Variants in RELN observed in about 807,000 individuals in gnomAD.
RELN encodes reelin.
Under a neutral mutation model 427.6 loss-of-function variants are expected in RELN, and 108 were observed. That is an observed-to-expected ratio of 0.25 (90% CI 0.22 to 0.30). The LOEUF is 0.30. Among genes scored for constraint, RELN ranks in the 10% least tolerant of loss-of-function variants. The pLI is 1.00. For missense variants in RELN, 3,715 were observed against 4,302.8 expected (o/e 0.86, Z 3.82); for synonymous variants, 1,524 against 1,513.4 (o/e 1.01, Z -0.16).
intron 8 of RELN, among the ~76,000 whole-genome samples, chr7:103,719,434 A>G (rs2115889283): frequency 6.6e-6 from 1 of 152,288 alleles, no homozygotes; most frequent in East Asian, 1.9e-4. Context: ...CCTGTTTACA[A>G]CAATGCCGTT....
intron 19 of RELN, among the ~76,000 whole-genome samples, chr7:103,632,660 G>A (rs1022574938): frequency 6.6e-6 from 1 of 152,088 alleles, no homozygotes; most frequent in Non-Finnish European, 1.5e-5. Flanking sequence ...AGAACACAGA[G>A]ACTTAAGTCA....
chr7:103,654,077 A>T lies in RELN; in HGVS notation c.1554+16T>A. 7 of 1,443,848 alleles carry T rather than the reference A, an allele frequency of 4.8e-6. No individual in the cohort carries two copies. The highest frequency in any genetic ancestry group is 4.9e-6 in the Non-Finnish European group (5 of 1,025,208). The allele number at this position is 1,443,848 out of a possible 1,614,324, so 89.4% of individuals were successfully genotyped here. A position where few individuals can be genotyped will look rare whatever the true frequency, so the allele number is the denominator to read the frequency against. ...GTCTGAGGTGGTCTATTTGCCACAC[A>T]GACTGGCATGTGTACCTTATATGAG... On this transcript the variant is annotated intron_variant, in intron 13 of 64. Coordinates refer to ENST00000428762, the MANE Select transcript of RELN (RefSeq NM_005045.4).
rs112861981 is a variant in RELN at position 103,842,762 on chromosome 7, T to A, written c.338-9090A>T. 1.7e-3 allele frequency among the ~76,000 whole-genome samples: 253 copies of A among 152,262 alleles called. 1 individual carries two copies. Among genetic ancestry groups the A allele is most frequent in the African/African-American group, 5.9e-3 (245 of 41,494 alleles). On this transcript the variant is annotated intron_variant, in intron 2 of 64. Coordinates refer to ENST00000428762, the MANE Select transcript of RELN (RefSeq NM_005045.4). ...ATTCTGGAATTGTGTATCTATGGAC[T>A]TAAGTTAGAAATGGAAGAGAAACTA...
chr7:103,680,287 T>TTAG (rs1460629946), intron 11 of RELN, among the ~76,000 whole-genome samples: 1 of 152,048 alleles, frequency 6.6e-6, no homozygotes, highest in Non-Finnish European at 1.5e-5. Context: ...ATGCATCTCT[T>TTAG]TAGCTCTGCT....
chr7:103,874,631 C>T (rs1794432859), intron 2 of RELN, among the ~76,000 whole-genome samples: 1 of 146,454 alleles, frequency 6.8e-6, no homozygotes, highest in African/African-American at 2.5e-5. Flanking sequence ...AATAAAATAC[C>T]TAGGAATCCA....
chr7:103,803,479 G>T (rs1179268494), intron 3 of RELN, among the ~76,000 whole-genome samples: 1 of 152,034 alleles, frequency 6.6e-6, no homozygotes, highest in Non-Finnish European at 1.5e-5. Context: ...AAGACACCTG[G>T]CTGGAGTGAT....
chr7:103,632,494 T>G lies in RELN; in HGVS notation c.2466-2318A>C, dbSNP rs566512673. ...AGACTATAAGTGCTAATGCCAGGAT[T>G]TGGACCTGGGGAACTTAGCTCTAGA... On this transcript the variant is annotated intron_variant, in intron 19 of 64. Transcript: ENST00000428762. Among the ~76,000 whole-genome samples the G allele has an allele frequency of 3.3e-5, 5 of 152,324 alleles. No homozygotes were observed. In the South Asian group the frequency reaches 1.0e-3, roughly 32 times the overall value.
chr7:103,699,522 G>A (rs1834047936), intron 9 of RELN, among the ~76,000 whole-genome samples: 1 of 151,982 alleles, frequency 6.6e-6, no homozygotes, highest in Non-Finnish European at 1.5e-5. Context: ...AAAAATAGAT[G>A]GGTTCAGCTG....
chr7:103,679,953 T>A (rs1027537683), intron 11 of RELN, among the ~76,000 whole-genome samples: 1 of 152,180 alleles, frequency 6.6e-6, no homozygotes, highest in Admixed American at 6.5e-5. Flanking sequence ...GTGTTACTCA[T>A]AGAGAGCTGA....
intron 50 of RELN, among the ~76,000 whole-genome samples, chr7:103,514,448 T>C (rs1275476659): frequency 1.3e-5 from 2 of 151,986 alleles, no homozygotes; most frequent in South Asian, 2.1e-4. Context: ...TCACCTGAGG[T>C]TGGGGGTTCA....
Position 103,594,268 on chromosome 7 carries a change from C to A in RELN, c.3711+53G>T, listed in dbSNP as rs149701115. 6.7e-6 allele frequency: 10 copies of A among 1,503,694 alleles called. No individual in the cohort carries two copies. The Admixed American group carries it at 1.0e-4, about 15-fold the overall frequency. The allele number at this position is 1,503,694 out of a possible 1,614,324, so 93.1% of individuals were successfully genotyped here. A position where few individuals can be genotyped will look rare whatever the true frequency, so the allele number is the denominator to read the frequency against. Reference sequence around the variant, plus strand: ...TCCTTAAGGAAATGAGTTCTTTATGCCATTCACTTTTATAATTATCTGTCT... The same window carrying A: ...TCCTTAAGGAAATGAGTTCTTTATGACATTCACTTTTATAATTATCTGTCT... On this transcript the variant is annotated intron_variant, in intron 26 of 64. Transcript: ENST00000428762.
chr7:103,675,716 C>T (rs536225161), intron 11 of RELN, among the ~76,000 whole-genome samples: 16 of 152,226 alleles, frequency 1.1e-4, no homozygotes, highest in East Asian at 7.7e-4. Context: ...CAGAACAGAG[C>T]GCTTAGAAAT....
rs1220288363 is a variant in RELN at position 103,610,815 on chromosome 7, A to C, written c.2896-8T>G. The C allele has an allele frequency of 6.6e-7, 1 of 1,504,872 alleles. No individual in the cohort carries two copies. The highest frequency in any genetic ancestry group is 1.4e-5 in the African/African-American group (1 of 72,668). The allele number at this position is 1,504,872 out of a possible 1,614,324, so 93.2% of individuals were successfully genotyped here. Reference sequence around the variant, plus strand: ...CATACTTGGAAGGCATTCCTGAAAGAAAGTTAGGCACAAATCAAACCCAGC... The same window carrying C: ...CATACTTGGAAGGCATTCCTGAAAGCAAGTTAGGCACAAATCAAACCCAGC... On this transcript the variant is annotated splice_region_variant and splice_polypyrimidine_tract_variant and intron_variant, in intron 21 of 64. Coordinates refer to ENST00000428762, the MANE Select transcript of RELN (RefSeq NM_005045.4).
intron 8 of RELN, among the ~76,000 whole-genome samples, chr7:103,706,967 G>C (rs1177878670): frequency 2.0e-5 from 3 of 152,002 alleles, no homozygotes; most frequent in South Asian, 2.1e-4. Flanking sequence ...CAAACCTGTA[G>C]ACCCTCCTCC....
chr7:103,917,740 G>C (rs921625738), intron 1 of RELN, among the ~76,000 whole-genome samples: 1 of 152,018 alleles, frequency 6.6e-6, no homozygotes, highest in Non-Finnish European at 1.5e-5. Flanking sequence ...GAAGAAGAAA[G>C]GAAGATCACT....
chr7:103,708,533 G>A (rs1033756108), intron 8 of RELN, among the ~76,000 whole-genome samples: 6 of 145,186 alleles, frequency 4.1e-5, no homozygotes, highest in Non-Finnish European at 5.9e-5. Context: ...GCGCGATCTC[G>A]GCTCACTGCA....
chr7:103,785,864 A>G (rs1426302811), intron 3 of RELN, among the ~76,000 whole-genome samples: 1 of 152,100 alleles, frequency 6.6e-6, no homozygotes, highest in Non-Finnish European at 1.5e-5. Context: ...AGGGAATTAA[A>G]GGAGCACATT....
At chr7:103,798,052 C>T (rs1254887741) in intron 3 of RELN, among the ~76,000 whole-genome samples, 1 of 152,182 alleles carries the variant, frequency 6.6e-6, no homozygotes, top group Non-Finnish European at 1.5e-5. Flanking sequence ...CTTCTTTAGG[C>T]TTTCCCTGCT....
At chr7:103,614,310 T>A (rs1832032337) in intron 20 of RELN, among the ~76,000 whole-genome samples, 1 of 152,236 alleles carries the variant, frequency 6.6e-6, no homozygotes. Context: ...AGTCACAGCC[T>A]CTTCCTTTTA....
Sources: gnomAD v4.1 joint callset for allele counts (sites outside exome capture counted in the v4.1 genomes callset) on GRCh38, gnomAD v4.1.1 for gene constraint, MANE v1.5 for transcripts, NCBI Gene and HGNC (gene_info 2026-07-23, HGNC 2026-07-21) for gene names.